Variants in PSTPIP2 observed in about 807,000 individuals in gnomAD.
PSTPIP2 encodes proline-serine-threonine phosphatase interacting protein 2, also known as proline-serine-threonine phosphatase-interacting protein 2.
A neutral mutation model predicts 63.3 loss-of-function variants in PSTPIP2; 33 were observed. The ratio of observed to expected loss-of-function variants is 0.52; its 90% confidence interval spans 0.40 to 0.70. The LOEUF (loss-of-function observed/expected upper bound fraction) is 0.70. PSTPIP2 is among the 30% of genes least tolerant of loss of function. The pLI is 0.00. For missense variants in PSTPIP2, 312 were observed against 400.7 expected, an observed-to-expected ratio of 0.78 and a Z score of 1.89; for synonymous variants, 125 against 132.7, an observed-to-expected ratio of 0.94 and a Z score of 0.40.
chr18:46,021,023 C>T (rs1463953949), intron 3 of PSTPIP2, among the ~76,000 whole-genome samples: 1 of 152,164 alleles, frequency 6.6e-6, no homozygotes, highest in Non-Finnish European at 1.5e-5. Flanking sequence ...GGGTATATTG[C>T]CAATGGCTTA....
At chr18:46,004,826 A>G (rs1259724895) in intron 6 of PSTPIP2, among the ~76,000 whole-genome samples, 2 of 152,206 alleles carry the variant, frequency 1.3e-5, no homozygotes, top group Middle Eastern at 6.3e-3. Context: ...CTAAAAGCAG[A>G]ACTACCATTT....
At chr18:46,014,550 T>A (rs1053327397) in intron 4 of PSTPIP2, among the ~76,000 whole-genome samples, 2 of 151,806 alleles carry the variant, frequency 1.3e-5, no homozygotes, top group Admixed American at 1.3e-4. Context: ...CCCATCTCTA[T>A]GAGAAGTAAA....
chr18:46,070,771 C>T (rs571331723), intron 1 of PSTPIP2, among the ~76,000 whole-genome samples: 12 of 152,268 alleles, frequency 7.9e-5, no homozygotes, highest in Non-Finnish European at 1.6e-4. Flanking sequence ...CCTCCTACCT[C>T]GGCCTCCCAA....
intron 2 of PSTPIP2, among the ~76,000 whole-genome samples, chr18:46,031,128 C>A (rs1907776209): frequency 6.6e-6 from 1 of 152,142 alleles, no homozygotes; most frequent in South Asian, 2.1e-4. Context: ...TTCCACTATT[C>A]CTTTGGGTAA....
Position 45,985,391 on chromosome 18 carries a change from C to G in PSTPIP2, c.*68G>C. 3 of 1,607,582 alleles carry G rather than the reference C, an allele frequency of 1.9e-6. No individual in the cohort carries two copies. Among genetic ancestry groups the G allele is most frequent in the Non-Finnish European group, 2.6e-6 (3 of 1,176,104 alleles). On this transcript the variant is annotated 3_prime_UTR_variant, in exon 15 of 15. Transcript: ENST00000409746. The stretch of plus-strand genomic sequence containing the variant: ...TGCTGACATAACGTGGCTATAGGTC[C>G]TGCTGCTCTGGGTGCCCTTTCCATA...
At chr18:46,058,423 C>A (rs535959317) in intron 1 of PSTPIP2, among the ~76,000 whole-genome samples, 11 of 152,124 alleles carry the variant, frequency 7.2e-5, no homozygotes, top group African/African-American at 2.7e-4. Flanking sequence ...GTAGCACGAT[C>A]TCGGCTCAGC....
chr18:46,023,999 T>C (rs761755654), intron 3 of PSTPIP2, among the ~76,000 whole-genome samples: 6 of 152,166 alleles, frequency 3.9e-5, no homozygotes, highest in Middle Eastern at 3.4e-3. Context: ...TGTGGCTTCA[T>C]AGTCCACTTT....
At chr18:46,033,603 C>T (rs1357302867) in intron 2 of PSTPIP2, among the ~76,000 whole-genome samples, 2 of 150,412 alleles carry the variant, frequency 1.3e-5, no homozygotes, top group Non-Finnish European at 2.9e-5. Flanking sequence ...GAGGCTGAGG[C>T]AGGAGAATCG....
In PSTPIP2 at chr18:46,072,136, C is replaced by G; in HGVS notation, c.33+20G>C. On this transcript the variant is annotated intron_variant, in intron 1 of 14. Transcript: ENST00000409746. Reference sequence around the variant, plus strand: ...GCCGGGTCCTGAGCCCCGCGATCCGCTGTCGGCCCCACGACTTACCCAAAA... The same window carrying G: ...GCCGGGTCCTGAGCCCCGCGATCCGGTGTCGGCCCCACGACTTACCCAAAA... The G allele has an allele frequency of 6.5e-7, 1 of 1,530,594 alleles. No homozygotes were observed. The highest frequency in any genetic ancestry group is 8.8e-7 in the Non-Finnish European group (1 of 1,139,352). 94.8% of individuals were successfully genotyped at this position (1,530,594 alleles called of 1,614,324 possible).
intron 4 of PSTPIP2, among the ~76,000 whole-genome samples, chr18:46,012,630 G>T (rs542976281): frequency 6.6e-6 from 1 of 152,062 alleles, no homozygotes; most frequent in African/African-American, 2.4e-5. Flanking sequence ...AAAATTAGCC[G>T]GGCATGGTGG....
At chr18:46,013,091 T>C (rs1834575152) in intron 4 of PSTPIP2, among the ~76,000 whole-genome samples, 1 of 151,152 alleles carries the variant, frequency 6.6e-6, no homozygotes, top group South Asian at 2.1e-4. Context: ...TATATATTAT[T>C]TTAATAAGAA....
chr18:46,029,208 A>G, intron 2 of PSTPIP2: 1 of 1,056,458 alleles, frequency 9.5e-7, no homozygotes, highest in Non-Finnish European at 1.5e-6. Context: ...CCTGTGCATC[A>G]AGTGAGAGGT....
intron 5 of PSTPIP2, among the ~76,000 whole-genome samples, chr18:46,009,383 A>C (rs995898198): frequency 1.3e-4 from 18 of 135,666 alleles, no homozygotes; most frequent in African/African-American, 5.1e-4. Context: ...AAAAAAAAAA[A>C]AAAAAAAACC....
intron 7 of PSTPIP2, among the ~76,000 whole-genome samples, chr18:45,999,052 T>C (rs1352197340): frequency 6.6e-6 from 1 of 152,178 alleles, no homozygotes; most frequent in Non-Finnish European, 1.5e-5. Context: ...CCCAGTGTCT[T>C]CCTAAAGACA....
intron 4 of PSTPIP2, among the ~76,000 whole-genome samples, chr18:46,012,634 A>C (rs8092705): frequency 6.6e-6 from 1 of 151,860 alleles, no homozygotes; most frequent in Admixed American, 6.6e-5. Context: ...TTAGCCGGGC[A>C]TGGTGGTGGG....
Position 45,993,645 on chromosome 18 carries a change from T to C in PSTPIP2, c.701A>G (p.His234Arg). 1.2e-6 allele frequency: 2 copies of C among 1,614,234 alleles called. No homozygotes were observed. Among genetic ancestry groups the C allele is most frequent in the Non-Finnish European group, 1.7e-6 (2 of 1,180,038 alleles). Reference sequence around the variant, plus strand: ...ACATTGTTGTGACAGCTGATTCACATGTAACCACAATGCATTCCGGAAGAA... The same window carrying C: ...ACATTGTTGTGACAGCTGATTCACACGTAACCACAATGCATTCCGGAAGAA... ...INFFRNALWLHVNQLSQQCVT... is the reference protein window; with the variant it reads ...INFFRNALWLRVNQLSQQCVT... The change falls in exon 10 of 15, where the codon CAT (histidine) becomes CGT (arginine). Residue 234 changes from histidine (H) to arginine (R), a missense_variant. By Grantham distance (29) the His-to-Arg change is conservative (BLOSUM62 0). Transcript: ENST00000409746.
At chr18:45,994,635 C>A (rs2051574346) in intron 9 of PSTPIP2, among the ~76,000 whole-genome samples, 1 of 152,136 alleles carries the variant, frequency 6.6e-6, no homozygotes, top group South Asian at 2.1e-4. Context: ...AACAAAACTT[C>A]CAACATATAC....
chr18:45,996,549 A>C (rs1432274306), intron 9 of PSTPIP2, among the ~76,000 whole-genome samples: 1 of 151,738 alleles, frequency 6.6e-6, no homozygotes, highest in African/African-American at 2.4e-5. Context: ...TATGTTTTTT[A>C]TTTTCTCTTG....
In PSTPIP2 at chr18:46,005,484, GAAT is replaced by G; in HGVS notation, c.399_401del (p.Gln133_Phe134delinsHis). 1 of 1,600,992 alleles carries G rather than the reference GAAT, an allele frequency of 6.2e-7. No individual in the cohort carries two copies. The stretch of plus-strand genomic sequence containing the variant: ...TGTGACTCACATCCATGGTTTTCTT[GAAT>G]TGTAAGCTCTTTTGTTTATGGATAG... On this transcript the variant is annotated inframe_deletion, in exon 6 of 15. Coordinates refer to ENST00000409746, the MANE Select transcript of PSTPIP2 (RefSeq NM_024430.4).
Sources: gnomAD v4.1 joint callset for allele counts (sites outside exome capture counted in the v4.1 genomes callset) on GRCh38, gnomAD v4.1.1 for gene constraint, MANE v1.5 for transcripts, NCBI Gene and HGNC (gene_info 2026-07-23, HGNC 2026-07-21) for gene names.